Variants in CADM2 observed in about 807,000 individuals in gnomAD.
CADM2 encodes the protein immunoglobulin superfamily member 4D.
CADM2 carries 12 observed loss-of-function variants against 49.8 expected under a neutral mutation model. The observed-to-expected ratio is 0.24, with a 90% CI of 0.15 to 0.39. The LOEUF (loss-of-function observed/expected upper bound fraction) is 0.39, where lower values mean the gene tolerates loss of function less well. CADM2 is among the 10% of genes least tolerant of loss of function. The pLI is 1.00. For missense variants in CADM2, 378 were observed against 492.3 expected, an observed-to-expected ratio of 0.77 and a Z score of 2.20; for synonymous variants, 214 against 175.4, an observed-to-expected ratio of 1.22 and a Z score of -1.74.
chr3:85,212,868 T>TCTCTCTCTCTCTCTC (rs1194802348), intron 1 of CADM2, among the ~76,000 whole-genome samples: 2 of 97,990 alleles, frequency 2.0e-5, no homozygotes, highest in Non-Finnish European at 2.3e-5. Flanking sequence ...CTTTCTTTCT[T>TCTCTCTCTCTCTCTC]TCTTTCTTTC....
intron 1 of CADM2, among the ~76,000 whole-genome samples, chr3:85,574,209 G>A (rs937201769): frequency 6.6e-6 from 1 of 152,188 alleles, no homozygotes; most frequent in Non-Finnish European, 1.5e-5. Flanking sequence ...GTGATGACTG[G>A]AATTTGGATC....
At chr3:85,973,501 A>G (rs2108648050) in intron 8 of CADM2, among the ~76,000 whole-genome samples, 1 of 151,894 alleles carries the variant, frequency 6.6e-6, no homozygotes, top group East Asian at 1.9e-4. Context: ...TGTTCAGGAA[A>G]CAAAAATGCA....
chr3:85,418,945 G>A (rs1234205093), intron 1 of CADM2, among the ~76,000 whole-genome samples: 2 of 147,006 alleles, frequency 1.4e-5, no homozygotes, highest in African/African-American at 2.5e-5. Flanking sequence ...AATTTTTAAA[G>A]CTTGTTTGGT....
chr3:85,577,312 G>A (rs2062659820), intron 1 of CADM2, among the ~76,000 whole-genome samples: 9 of 152,130 alleles, frequency 5.9e-5, no homozygotes, highest in Admixed American at 5.9e-4. Flanking sequence ...AGGAGATTGG[G>A]TTAGAAGGGC....
At chr3:85,437,479 G>A (rs545208039) in intron 1 of CADM2, among the ~76,000 whole-genome samples, 28 of 152,192 alleles carry the variant, frequency 1.8e-4, no homozygotes, top group Non-Finnish European at 4.0e-4. Context: ...CATTGAATGA[G>A]TGTTCCTGTT....
chr3:85,079,858 G>A (rs1471628085), intron 1 of CADM2, among the ~76,000 whole-genome samples: 2 of 151,686 alleles, frequency 1.3e-5, no homozygotes, highest in East Asian at 1.9e-4. Flanking sequence ...AACCATGAAC[G>A]CAAAATAAAC....
chr3:85,849,489 A>G (rs1303726642), intron 3 of CADM2, among the ~76,000 whole-genome samples: 1 of 152,180 alleles, frequency 6.6e-6, no homozygotes, highest in African/African-American at 2.4e-5. Context: ...ACCTTTTCCC[A>G]AAAAATACTT....
At chr3:84,974,614 A>G (rs2031690528) in intron 1 of CADM2, among the ~76,000 whole-genome samples, 1 of 151,966 alleles carries the variant, frequency 6.6e-6, no homozygotes. Flanking sequence ...AAATACTCTC[A>G]TACAAGAAGT....
At chr3:85,373,381 G>T (rs1368405399) in intron 1 of CADM2, among the ~76,000 whole-genome samples, 2 of 152,110 alleles carry the variant, frequency 1.3e-5, no homozygotes, top group Non-Finnish European at 2.9e-5. Flanking sequence ...CAAGGGGTGG[G>T]TTCCCATGGT....
At chr3:85,948,684 A>G (rs1468223231) in intron 7 of CADM2, among the ~76,000 whole-genome samples, 1 of 151,448 alleles carries the variant, frequency 6.6e-6, no homozygotes, top group African/African-American at 2.4e-5. Flanking sequence ...ACTCAAACGT[A>G]TAGAAGCTTC....
intron 5 of CADM2, among the ~76,000 whole-genome samples, chr3:85,897,008 T>C (rs144833538): frequency 6.6e-6 from 1 of 152,044 alleles, no homozygotes; most frequent in African/African-American, 2.4e-5. Context: ...TTCCTTATTA[T>C]TAATAGAGTT....
At chr3:85,884,638 G>A (rs1389196405) in intron 4 of CADM2, among the ~76,000 whole-genome samples, 1 of 151,960 alleles carries the variant, frequency 6.6e-6, no homozygotes. Flanking sequence ...AAAATGTTAA[G>A]AGGAGTTATG....
At chr3:85,163,759 A>T (rs2040393941) in intron 1 of CADM2, among the ~76,000 whole-genome samples, 2 of 152,008 alleles carry the variant, frequency 1.3e-5, no homozygotes, top group South Asian at 4.1e-4. Context: ...ATATTAAAAA[A>T]CCTTGATTGA....
At chr3:86,003,410 G>T (rs868366343) in intron 8 of CADM2, among the ~76,000 whole-genome samples, 11 of 152,222 alleles carry the variant, frequency 7.2e-5, no homozygotes, top group Middle Eastern at 3.4e-3. Context: ...CTATGAAACT[G>T]TGGAAGATCA....
chr3:86,023,405 A>G (rs1733459792), intron 8 of CADM2, among the ~76,000 whole-genome samples: 1 of 151,788 alleles, frequency 6.6e-6, no homozygotes, highest in South Asian at 2.1e-4. Context: ...TTTTTGAGAC[A>G]GAGTTTTGCT....
rs1167720851 is a variant in CADM2 at position 85,371,677 on chromosome 3, GTATATATATATATATA to G, written c.62-354823_62-354808del. 1.6e-4 allele frequency among the ~76,000 whole-genome samples: 15 copies of G among 95,134 alleles called. 1 individual carries two copies. The highest frequency in any genetic ancestry group is 1.0e-3 in the Admixed American group (8 of 7,880). 62.4% of individuals were successfully genotyped at this position (95,134 alleles called of 152,430 possible). On this transcript the variant is annotated intron_variant, in intron 1 of 9. Transcript: ENST00000383699. ...TATATATATATGTGTGTGTGTGTGT[GTATATATATATATATA>G]TATATATATATATATATATATTCAC... is the stretch of plus-strand genomic sequence containing the variant.
chr3:85,100,517 TGACA>T (rs2037972595), intron 1 of CADM2, among the ~76,000 whole-genome samples: 2 of 152,194 alleles, frequency 1.3e-5, no homozygotes, highest in African/African-American at 4.8e-5. Flanking sequence ...ATTAGAAAGT[TGACA>T]GATAAATTAA....
intron 2 of CADM2, among the ~76,000 whole-genome samples, chr3:85,801,727 G>A (rs1559667273): frequency 6.6e-6 from 1 of 152,050 alleles, no homozygotes; most frequent in Non-Finnish European, 1.5e-5. Context: ...ACCAAGTTTA[G>A]TACCGTATTA....
At chr3:85,832,167 C>G (rs1005880119) in intron 3 of CADM2, among the ~76,000 whole-genome samples, 1 of 151,898 alleles carries the variant, frequency 6.6e-6, no homozygotes, top group Non-Finnish European at 1.5e-5. Context: ...TCTGGTTTCT[C>G]TATTCTTTTC....
Sources: gnomAD v4.1 joint callset for allele counts (sites outside exome capture counted in the v4.1 genomes callset) on GRCh38, gnomAD v4.1.1 for gene constraint, MANE v1.5 for transcripts, NCBI Gene and HGNC (gene_info 2026-07-23, HGNC 2026-07-21) for gene names.